The following LDB3 variants were observed in gnomAD, a reference collection of about 807,000 sequenced individuals.
LDB3 encodes the protein LIM domain binding 3.
Under a neutral mutation model 69.0 loss-of-function variants are expected in LDB3, and 49 were observed. That is an observed-to-expected ratio of 0.71 (90% CI 0.56 to 0.90). LDB3 has a LOEUF of 0.90. LDB3 is among the 40% of genes least tolerant of loss of function. LDB3 has a pLI of 0.00. For synonymous variants in LDB3, 387 were observed against 396.2 expected, an observed-to-expected ratio of 0.98 and a Z score of 0.28; for missense variants, 928 against 974.1, an observed-to-expected ratio of 0.95 and a Z score of 0.63.
chr10:86,714,595 G>T (rs1157174276), intron 9 of LDB3, among the ~76,000 whole-genome samples: 1 of 129,544 alleles, frequency 7.7e-6, no homozygotes, highest in Non-Finnish European at 1.6e-5. Context: ...TTGCTCTGTT[G>T]CCCAGGCTGG....
chr10:86,729,491 C>T (rs934383235), intron 13 of LDB3, among the ~76,000 whole-genome samples: 19 of 152,150 alleles, frequency 1.2e-4, no homozygotes, highest in African/African-American at 4.6e-4. Context: ...GTAGGCAGAC[C>T]TAGGGGCTGC....
intron 5 of LDB3, among the ~76,000 whole-genome samples, chr10:86,690,675 C>T (rs960913790): frequency 1.3e-5 from 2 of 152,262 alleles, no homozygotes; most frequent in Non-Finnish European, 2.9e-5. Flanking sequence ...GGAGTTTCCT[C>T]TCCCAGCCAG....
rs55815121 is a variant in LDB3, at chr10:86,681,951, C to T, written c.689+148C>T. The T allele has an allele frequency of 0.38, 298,696 of 791,196 alleles. 60,248 individuals carry two copies. Among genetic ancestry groups the T allele is most frequent in the East Asian group, 0.62 (23,404 of 38,032 alleles). 49.0% of individuals were successfully genotyped at this position (791,196 alleles called of 1,614,324 possible). On this transcript the variant is annotated intron_variant, in intron 5 of 13. Transcript: ENST00000361373. ...CATGAGGTCAGCAGTGATCCTGCGG[C>T]ATTTGCCATGAGCCGGGCATGCTAG...
At chr10:86,724,221 G>T (rs1401210377) in intron 12 of LDB3, among the ~76,000 whole-genome samples, 1 of 152,174 alleles carries the variant, frequency 6.6e-6, no homozygotes, top group Non-Finnish European at 1.5e-5. Context: ...TGAGGTGGGA[G>T]AACTGCTTGA....
intron 9 of LDB3, among the ~76,000 whole-genome samples, chr10:86,715,293 CTT>C (rs1846825701): frequency 6.6e-6 from 1 of 152,130 alleles, no homozygotes; most frequent in Admixed American, 6.6e-5. Flanking sequence ...AATGAGGCCT[CTT>C]TGCTGAGGAG....
rs1846367732 is a variant in LDB3, at chr10:86,704,408, T to A, written c.897-2123T>A. Among the ~76,000 whole-genome samples the A allele has an allele frequency of 2.0e-5, 3 of 151,826 alleles. No individual in the cohort carries two copies. The South Asian group carries it at 6.2e-4, about 32-fold the overall frequency. On this transcript the variant is annotated intron_variant, in intron 7 of 13. Transcript: ENST00000361373. ...AGGTTTAAATGATAAAATTGAGTAATAGGGTAATTTCTTTTTTTTTTTTTA... is the reference window on the plus strand; with the variant it reads ...AGGTTTAAATGATAAAATTGAGTAAAAGGGTAATTTCTTTTTTTTTTTTTA...
At chr10:86,668,960 G>A (rs752504793) in intron 2 of LDB3, among the ~76,000 whole-genome samples, 176 bp downstream of exon 2, 2 of 152,210 alleles carry the variant, frequency 1.3e-5, no homozygotes, top group Non-Finnish European at 2.9e-5. Context: ...TCACTGGAGC[G>A]CGCCGGCCTG....
chr10:86,669,548 G>A (rs1325339985), intron 2 of LDB3, among the ~76,000 whole-genome samples: 1 of 152,256 alleles, frequency 6.6e-6, no homozygotes, highest in Non-Finnish European at 1.5e-5. Flanking sequence ...GAGGCAGAAA[G>A]TTAGCCATGC....
At chr10:86,701,255 T>G (rs1218695927) in intron 7 of LDB3, among the ~76,000 whole-genome samples, 1 of 152,098 alleles carries the variant, frequency 6.6e-6, no homozygotes. Flanking sequence ...CAAGGGTGGG[T>G]TGGGGGCAGG....
At chr10:86,715,223 C>G (rs543989839) in intron 9 of LDB3, among the ~76,000 whole-genome samples, 3 of 152,088 alleles carry the variant, frequency 2.0e-5, no homozygotes, top group Non-Finnish European at 4.4e-5. Flanking sequence ...TCCATCCTGC[C>G]CATACTGAGC....
chr10:86,701,791 G>C (rs1846270923), intron 7 of LDB3, among the ~76,000 whole-genome samples: 1 of 152,246 alleles, frequency 6.6e-6, no homozygotes, highest in East Asian at 1.9e-4. Context: ...CTGATGAGAA[G>C]TGGTGTCCCA....
rs1846140753 is a variant in LDB3, at chr10:86,699,155, C to T, written c.896+6584C>T. 2.5e-6 allele frequency: 3 copies of T among 1,194,536 alleles called. No homozygotes were observed. The South Asian group carries it at 3.7e-5, about 15-fold the overall frequency. 74.0% of individuals were successfully genotyped at this position (1,194,536 alleles called of 1,614,324 possible). On this transcript the variant is annotated intron_variant, in intron 7 of 13. Coordinates refer to ENST00000361373, the MANE Select transcript of LDB3 (RefSeq NM_007078.3). This position sits in a 1 kb window ranked among gnomAD's most constrained non-coding sequence, Gnocchi z 4.9. ...CCTCCCTCCCATGCCCTCTGCCCCACCTGTTAGACAGGGGAATGGTGAACA... is the reference window on the plus strand; with the variant it reads ...CCTCCCTCCCATGCCCTCTGCCCCATCTGTTAGACAGGGGAATGGTGAACA...
At chr10:86,675,581 G>T (rs750650155) in intron 2 of LDB3, among the ~76,000 whole-genome samples, 1 of 152,252 alleles carries the variant, frequency 6.6e-6, no homozygotes, top group East Asian at 1.9e-4. Flanking sequence ...CCTTGCTGTG[G>T]GGGTGTCCTG....
At chr10:86,683,840 C>T (rs1361442403) in intron 5 of LDB3, among the ~76,000 whole-genome samples, 1 of 152,256 alleles carries the variant, frequency 6.6e-6, no homozygotes, top group African/African-American at 2.4e-5. Context: ...TGGCACACTT[C>T]TCCCATGCTG....
At chr10:86,692,462 G>A in intron 6 of LDB3, 73 bp from the exon 7 acceptor site, 2 of 1,467,542 alleles carry the variant, frequency 1.4e-6, no homozygotes, top group Non-Finnish European at 1.9e-6. Context: ...GGGACTCAGT[G>A]CCCACAGAGC....
intron 8 of LDB3, 115 bp from the exon 9 acceptor site, chr10:86,709,790 T>C: frequency 1.8e-6 from 2 of 1,110,374 alleles, no homozygotes; most frequent in Non-Finnish European, 2.7e-6. Flanking sequence ...CCCAGAAATG[T>C]CTCTGTCAGG....
At chr10:86,694,797 C>T (rs1242189098) in intron 7 of LDB3, among the ~76,000 whole-genome samples, 1 of 152,186 alleles carries the variant, frequency 6.6e-6, no homozygotes, top group Non-Finnish European at 1.5e-5. Context: ...ACTATCTGAG[C>T]AGAAGGGAAC....
chr10:86,685,896 G>T (rs1248035432), intron 5 of LDB3, among the ~76,000 whole-genome samples: 1 of 152,106 alleles, frequency 6.6e-6, no homozygotes, highest in Admixed American at 6.5e-5. Context: ...GTGGGAGTGG[G>T]GGCTCCATCC....
intron 2 of LDB3, among the ~76,000 whole-genome samples, chr10:86,673,927 A>G (rs2803562): frequency 0.74 from 112,550 of 152,108 alleles, 41,960 homozygotes; most frequent in African/African-American, 0.83. Context: ...AATAGGAGCC[A>G]ATGGCATGGG....
Sources: allele counts gnomAD v4.1 joint callset (sites outside exome capture counted in the v4.1 genomes callset), GRCh38; gene constraint gnomAD v4.1.1; non-coding constraint Gnocchi (gnomAD v3.1); transcripts MANE v1.5; gene names NCBI Gene and HGNC (gene_info 2026-07-23, HGNC 2026-07-21).